The following FLACC1 variants were observed in gnomAD, a reference collection of about 807,000 sequenced individuals.
FLACC1 encodes flagellum associated containing coiled-coil domains 1, also known as flagellum-associated coiled-coil domain-containing protein 1.
In FLACC1, 66 loss-of-function variants were observed where a neutral mutation model predicts 62.8. The ratio of observed to expected loss-of-function variants is 1.05; its 90% CI spans 0.86 to 1.29. FLACC1 has a LOEUF of 1.29. Ranked by LOEUF, FLACC1 falls within the 50% of genes most tolerant of loss-of-function variation. The pLI, the probability that FLACC1 is intolerant of heterozygous loss-of-function variation, is 0.00. For missense variants in FLACC1, 452 were observed against 489.1 expected, an observed-to-expected ratio of 0.92 and a Z score of 0.71; for synonymous variants, 156 against 161.0, an observed-to-expected ratio of 0.97 and a Z score of 0.24.
chr2:201,362,448 A>G, the FLACC1 span, among the ~76,000 whole-genome samples: 1 of 152,152 alleles, frequency 6.6e-6, no homozygotes, highest in Non-Finnish European at 1.5e-5. Flanking sequence ...AAAAAGGAAA[A>G]TGGGAATCCA....
At chr2:201,294,881 GACAA>G (rs1028718478) in intron 12 of FLACC1, among the ~76,000 whole-genome samples, 19 of 152,214 alleles carry the variant, frequency 1.2e-4, no homozygotes, top group Admixed American at 5.2e-4. Context: ...ACCAATAACA[GACAA>G]ACAGAGAGCC....
At chr2:201,316,328 A>G (rs1018066209) in intron 9 of FLACC1, among the ~76,000 whole-genome samples, 4 of 152,222 alleles carry the variant, frequency 2.6e-5, no homozygotes, top group Admixed American at 2.6e-4. Context: ...AGATTAACCA[A>G]GAAGAGAGAA....
chr2:201,313,407 C>T (rs6711941), intron 9 of FLACC1, among the ~76,000 whole-genome samples: 18,728 of 152,068 alleles, frequency 0.12, 1,469 homozygotes, highest in African/African-American at 0.22. Flanking sequence ...TTCTGGGTTT[C>T]GTGGGAGCTG....
intron 9 of FLACC1, among the ~76,000 whole-genome samples, chr2:201,316,078 G>C (rs1459310910): frequency 1.3e-5 from 2 of 151,966 alleles, no homozygotes; most frequent in African/African-American, 2.4e-5. Context: ...AAAGCTAAAA[G>C]CCCTAAACAC....
intron 3 of FLACC1, among the ~76,000 whole-genome samples, chr2:201,348,533 G>T (rs949510434): frequency 1.3e-5 from 2 of 152,136 alleles, no homozygotes; most frequent in Non-Finnish European, 2.9e-5. Context: ...GTCTTATGAT[G>T]TTGGGGCAAC....
chr2:201,307,131 A>G (rs1365150632), intron 11 of FLACC1, among the ~76,000 whole-genome samples: 1 of 152,214 alleles, frequency 6.6e-6, no homozygotes, highest in African/African-American at 2.4e-5. Flanking sequence ...GCAAGTTCCC[A>G]TAAAGTTAAA....
At chr2:201,290,554 C>G (rs1949709778) in intron 12 of FLACC1, among the ~76,000 whole-genome samples, 1 of 152,148 alleles carries the variant, frequency 6.6e-6, no homozygotes, top group Non-Finnish European at 1.5e-5. Context: ...AGGGGTGGAG[C>G]CAAGACAGCC....
chr2:201,302,020 G>A (rs1040519298), intron 11 of FLACC1, among the ~76,000 whole-genome samples: 24 of 152,160 alleles, frequency 1.6e-4, no homozygotes, highest in African/African-American at 5.1e-4. Flanking sequence ...GGAAGAAACT[G>A]CATCAACTAA....
chr2:201,310,742 A>T (rs1452390478), intron 9 of FLACC1, among the ~76,000 whole-genome samples: 1 of 152,210 alleles, frequency 6.6e-6, no homozygotes, highest in East Asian at 1.9e-4. Flanking sequence ...TGTTCATTCC[A>T]AAACAAGAAC....
rs1358244324 is a variant in FLACC1 at position 201,326,124 on chromosome 2, T to A, written c.675+4346A>T. 6.6e-6 allele frequency among the ~76,000 whole-genome samples: 1 copy of A among 152,268 alleles called. No homozygotes were observed. Among genetic ancestry groups the A allele is most frequent in the East Asian group, 1.9e-4 (1 of 5,190 alleles). ...ATTTAATAAAATCCAGCATCCTTCA[T>A]AATTAAAACTCCTAACAAACTAGGC... On this transcript the variant is annotated intron_variant, in intron 9 of 14. Transcript: ENST00000392257. The surrounding 1 kb of genome is among the most constrained non-coding windows in gnomAD (Gnocchi z 4.1).
At chr2:201,310,436 T>C (rs1950196646) in intron 9 of FLACC1, among the ~76,000 whole-genome samples, 1 of 152,176 alleles carries the variant, frequency 6.6e-6, no homozygotes, top group Non-Finnish European at 1.5e-5. Context: ...TGCTAAAACC[T>C]GGAAAGTCTC....
At chr2:201,302,109 T>G (rs1202839580) in intron 11 of FLACC1, among the ~76,000 whole-genome samples, 1 of 152,184 alleles carries the variant, frequency 6.6e-6, no homozygotes, top group East Asian at 1.9e-4. Context: ...GTAAATGGGC[T>G]AAATGCTCCA....
In FLACC1 at chr2:201,288,467, G is replaced by T; in HGVS notation, c.*188C>A. 3 of 589,622 alleles carry T rather than the reference G, an allele frequency of 5.1e-6. No homozygotes were observed. Among genetic ancestry groups the T allele is most frequent in the Non-Finnish European group, 5.4e-6 (2 of 368,252 alleles). The allele number at this position is 589,622 out of a possible 1,614,324, so 36.5% of individuals were successfully genotyped here. On this transcript the variant is annotated 3_prime_UTR_variant, in exon 15 of 15. Transcript: ENST00000392257. ...CCAGTATGGAGAGCATCATTTTTCA[G>T]TGAAGAGTCCGTGATAAGCTGTGAA...
chr2:201,330,432 C>T (rs760147284), intron 9 of FLACC1, 38 bp downstream of exon 9: 33 of 1,582,902 alleles, frequency 2.1e-5, no homozygotes, highest in African/African-American at 2.7e-5. Context: ...AATGAGCCTT[C>T]CTTCTCTTGT....
At chr2:201,359,851 T>G (rs1479836692), upstream of FLACC1, among the ~76,000 whole-genome samples, 1 of 152,152 alleles carries the variant, frequency 6.6e-6, no homozygotes, top group African/African-American at 2.4e-5. Context: ...CTATTAGTCA[T>G]CTAGACAATC....
At chr2:201,322,067 G>A (rs1229884437) in intron 9 of FLACC1, among the ~76,000 whole-genome samples, 1 of 152,066 alleles carries the variant, frequency 6.6e-6, no homozygotes, top group Non-Finnish European at 1.5e-5. Context: ...TCAGGGGTTC[G>A]AGACCAGCCC....
intron 12 of FLACC1, among the ~76,000 whole-genome samples, chr2:201,297,663 G>A (rs1949893719): frequency 6.6e-6 from 1 of 152,176 alleles, no homozygotes; most frequent in African/African-American, 2.4e-5. Flanking sequence ...GGCTGGGATT[G>A]GAGCAGAAGT....
At chr2:201,327,202 C>T (rs1422639139) in intron 9 of FLACC1, among the ~76,000 whole-genome samples, 4 of 152,026 alleles carry the variant, frequency 2.6e-5, no homozygotes, top group African/African-American at 9.7e-5. Flanking sequence ...AAATATGAGA[C>T]CCGAAACTAT....
At chr2:201,340,595 T>C (rs1402588667) in intron 7 of FLACC1, among the ~76,000 whole-genome samples, 2 of 152,224 alleles carry the variant, frequency 1.3e-5, no homozygotes, top group Admixed American at 6.5e-5. Context: ...ATTTTAGCTA[T>C]AGTTGTTATT....
Sources: allele counts gnomAD v4.1 joint callset (sites outside exome capture counted in the v4.1 genomes callset), GRCh38; gene constraint gnomAD v4.1.1; non-coding constraint Gnocchi (gnomAD v3.1); transcripts MANE v1.5; gene names NCBI Gene and HGNC (gene_info 2026-07-23, HGNC 2026-07-21).